Variants in RPS6KA6 observed in about 807,000 individuals in gnomAD.
The protein encoded by RPS6KA6 is ribosomal protein S6 kinase alpha-6.
A neutral mutation model predicts 65.4 loss-of-function variants in RPS6KA6; 27 were observed. That is an observed-to-expected ratio of 0.41 (90% CI 0.30 to 0.57). The LOEUF (loss-of-function observed/expected upper bound fraction) is 0.57. Among genes scored for constraint, RPS6KA6 ranks in the 20% least tolerant of loss-of-function variants. RPS6KA6 has a pLI of 0.24. For synonymous variants in RPS6KA6, 190 were observed against 184.2 expected (o/e 1.03, Z -0.26); for missense variants, 486 against 555.6 (o/e 0.87, Z 1.26).
intron 20 of RPS6KA6, among the ~76,000 whole-genome samples, chrX:84,079,397 G>A (rs1465080899): frequency 9.0e-6 from 1 of 110,827 alleles, no homozygotes; most frequent in Non-Finnish European, 1.9e-5. Context: ...GCCGTTTTTG[G>A]GCAGACACTG....
intron 20 of RPS6KA6, among the ~76,000 whole-genome samples, chrX:84,080,129 C>T (rs746456340): frequency 1.9e-5 from 2 of 107,901 alleles, no homozygotes; most frequent in East Asian, 3.1e-4. Flanking sequence ...AGAGCTCTGG[C>T]TGGCATCTGG....
chrX:84,086,080 T>C (rs2033914684), intron 20 of RPS6KA6, among the ~76,000 whole-genome samples: 1 of 111,639 alleles, frequency 9.0e-6, no homozygotes, highest in South Asian at 3.7e-4. Flanking sequence ...GCTAGTTGTC[T>C]ATTTTATTAA....
rs1283036102 is a variant in RPS6KA6, at chrX:84,142,198, G to T, written c.501+3280C>A. 2.7e-5 allele frequency among the ~76,000 whole-genome samples: 3 copies of T among 111,411 alleles called. No individual in the cohort carries two copies. The Admixed American group carries it at 2.9e-4, about 11-fold the overall frequency. On this transcript the variant is annotated intron_variant, in intron 6 of 21. Transcript: ENST00000262752. ...TTATGACCACAAGAACATTACAGTA[G>T]AAATCAACAATAGAAAGATATGTGA...
chrX:84,182,063 T>TCACA (rs760743646), intron 1 of RPS6KA6, among the ~76,000 whole-genome samples: 11 of 32,792 alleles, frequency 3.4e-4, no homozygotes, highest in African/African-American at 6.8e-4. Flanking sequence ...TCTCTCTCTC[T>TCACA]CACACACACA....
At chrX:84,168,256 C>A (rs1246669032) in intron 1 of RPS6KA6, among the ~76,000 whole-genome samples, 1 of 111,534 alleles carries the variant, frequency 9.0e-6, no homozygotes, top group African/African-American at 3.3e-5. Context: ...ACTCCACATT[C>A]TTTCCCCACG....
chrX:84,071,779 T>C (rs977956393), intron 20 of RPS6KA6, among the ~76,000 whole-genome samples: 4 of 111,275 alleles, frequency 3.6e-5, no homozygotes, highest in East Asian at 2.8e-4. Context: ...ACCACAGATA[T>C]AGAAAGAACT....
chrX:84,078,045 T>G lies in RPS6KA6; in HGVS notation c.1972-12934A>C, dbSNP rs187228786. Among the ~76,000 whole-genome samples the G allele has an allele frequency of 2.6e-3, 293 of 112,227 alleles. 1 individual carries two copies. The highest frequency in any genetic ancestry group is 4.6e-3 in the Middle Eastern group (1 of 218). On this transcript the variant is annotated intron_variant, in intron 20 of 21. Transcript: ENST00000262752. ...TAATCTTTATCAAATTAGAAATGAC[T>G]TCTTTGAAAGACACTTAAGAGAATT...
chrX:84,069,788 C>T (rs193227396), intron 20 of RPS6KA6, among the ~76,000 whole-genome samples: 5 of 112,079 alleles, frequency 4.5e-5, no homozygotes, highest in Admixed American at 3.8e-4. Context: ...AACATTTATA[C>T]GGCCAAAAAC....
chrX:84,082,031 G>A (rs574726134), intron 20 of RPS6KA6, among the ~76,000 whole-genome samples: 8 of 111,833 alleles, frequency 7.2e-5, no homozygotes, highest in Admixed American at 1.9e-4. Context: ...TTTGAAAACC[G>A]GCACAAGACA....
chrX:84,106,613 C>T (rs745624021), intron 14 of RPS6KA6, 126 bp from the exon 15 acceptor site: 8 of 530,147 alleles, frequency 1.5e-5, no homozygotes, highest in African/African-American at 2.4e-5. Context: ...GAAGTTTTAT[C>T]GACATTTATA....
intron 17 of RPS6KA6, 110 bp downstream of exon 17, chrX:84,104,389 T>C: frequency 5.1e-6 from 2 of 390,693 alleles, no homozygotes. Context: ...GGATATTCTC[T>C]ATAGAAATAT....
chrX:84,184,820 A>G, intron 1 of RPS6KA6, among the ~76,000 whole-genome samples: 1 of 32,558 alleles, frequency 3.1e-5, no homozygotes, highest in South Asian at 4.1e-3. Flanking sequence ...ACATAGAAAG[A>G]CCCTGACTCA....
chrX:84,118,690 A>G (rs2034613681), intron 9 of RPS6KA6, among the ~76,000 whole-genome samples: 1 of 111,604 alleles, frequency 9.0e-6, no homozygotes, highest in African/African-American at 3.3e-5. Flanking sequence ...TTTCTTTTTG[A>G]TCTGTGTCAT....
intron 20 of RPS6KA6, among the ~76,000 whole-genome samples, chrX:84,090,750 C>T (rs778068365): frequency 8.9e-6 from 1 of 111,818 alleles, no homozygotes; most frequent in African/African-American, 3.3e-5. Context: ...TCTCCCTTGA[C>T]ACATGGGGAT....
chrX:84,112,599 G>A (rs1249590415), intron 12 of RPS6KA6, among the ~76,000 whole-genome samples: 1 of 111,369 alleles, frequency 9.0e-6, no homozygotes, highest in Non-Finnish European at 1.9e-5. Context: ...ATCAAGGCAG[G>A]AATAAAAAAA....
Position 84,058,479 on chromosome X carries a change from T to C in RPS6KA6, c.*5798A>G, listed in dbSNP as rs1287584960. The C allele has an allele frequency of 8.9e-6, 1 of 112,142 alleles. No homozygotes were observed. Among genetic ancestry groups the C allele is most frequent in the Non-Finnish European group, 1.9e-5 (1 of 53,247 alleles). The allele number at this position is 112,142 out of a possible 1,213,427, so 9.2% of individuals were successfully genotyped here. A position where few individuals can be genotyped will look rare whatever the true frequency, so the allele number is the denominator to read the frequency against. On this transcript the variant is annotated 3_prime_UTR_variant, in exon 22 of 22. Coordinates refer to ENST00000262752, the MANE Select transcript of RPS6KA6 (RefSeq NM_014496.5). The stretch of plus-strand genomic sequence containing the variant: ...TATAACTTCTATGTCTTCTTTGGCA[T>C]GTTGTAAATTCAAAATGATAGCCAT...
At chrX:84,112,218 C>T (rs962128621) in intron 12 of RPS6KA6, among the ~76,000 whole-genome samples, 3 of 111,157 alleles carry the variant, frequency 2.7e-5, no homozygotes, top group Non-Finnish European at 5.7e-5. Flanking sequence ...AGATTGATGG[C>T]AATACAATAA....
At chrX:84,077,104 C>G (rs1317228751) in intron 20 of RPS6KA6, among the ~76,000 whole-genome samples, 1 of 111,495 alleles carries the variant, frequency 9.0e-6, no homozygotes, top group Non-Finnish European at 1.9e-5. Flanking sequence ...AAAGACCTAA[C>G]TGGAAAGAGA....
intron 1 of RPS6KA6, among the ~76,000 whole-genome samples, chrX:84,179,261 C>G (rs982246139): frequency 4.5e-5 from 5 of 111,188 alleles, no homozygotes; most frequent in African/African-American, 1.6e-4. Flanking sequence ...CTTAATCTGA[C>G]AAGACTAAGT....
Sources: gnomAD v4.1 joint callset for allele counts (sites outside exome capture counted in the v4.1 genomes callset) on GRCh38, gnomAD v4.1.1 for gene constraint, MANE v1.5 for transcripts, NCBI Gene and HGNC (gene_info 2026-07-23, HGNC 2026-07-21) for gene names.